SHISA9: variants seen among roughly 807,000 people sequenced by gnomAD.
SHISA9 encodes protein shisa-9.
A neutral mutation model predicts 38.0 loss-of-function variants in SHISA9; 13 were observed. The observed-to-expected ratio is 0.34, with a 90% CI of 0.22 to 0.54. The LOEUF is 0.54. Ranked by LOEUF, SHISA9 falls within the 20% of genes least tolerant of loss-of-function variation. The pLI is 0.91. For missense variants in SHISA9, 538 were observed against 575.8 expected, an observed-to-expected ratio of 0.93 and a Z score of 0.67; for synonymous variants, 275 against 242.0, an observed-to-expected ratio of 1.14 and a Z score of -1.27.
At chr16:13,479,551 A>C in the SHISA9 span, among the ~76,000 whole-genome samples, 1 of 152,154 alleles carries the variant, frequency 6.6e-6, no homozygotes, top group Non-Finnish European at 1.5e-5. Flanking sequence ...CACCTGCATC[A>C]TTTAGAACCC....
At chr16:13,195,530 T>A (rs1232521806) in intron 2 of SHISA9, among the ~76,000 whole-genome samples, 4 of 152,154 alleles carry the variant, frequency 2.6e-5, no homozygotes, top group Non-Finnish European at 5.9e-5. Context: ...AGGTAGAGCA[T>A]AACCCCTACT....
chr16:13,095,373 G>C (rs906219354), intron 2 of SHISA9, among the ~76,000 whole-genome samples: 2 of 152,230 alleles, frequency 1.3e-5, no homozygotes, highest in African/African-American at 4.8e-5. Context: ...ATTCTGCAGA[G>C]GTTGCACATC....
At chr16:12,959,159 C>A (rs911890011) in intron 2 of SHISA9, among the ~76,000 whole-genome samples, 1 of 152,184 alleles carries the variant, frequency 6.6e-6, no homozygotes, top group African/African-American at 2.4e-5. Context: ...TTGTTCAATG[C>A]TGTATTTTCT....
At chr16:13,189,628 A>T (rs555874306) in intron 2 of SHISA9, among the ~76,000 whole-genome samples, 1 of 152,272 alleles carries the variant, frequency 6.6e-6, no homozygotes, top group African/African-American at 2.4e-5. Flanking sequence ...TCTGCTTTGG[A>T]GAGAAAGGAG....
intron 2 of SHISA9, among the ~76,000 whole-genome samples, chr16:13,147,284 C>T (rs775389213): frequency 6.6e-6 from 1 of 151,998 alleles, no homozygotes; most frequent in African/African-American, 2.4e-5. Context: ...TGGGGAGCCA[C>T]TGAATAGCTG....
the SHISA9 span, among the ~76,000 whole-genome samples, chr16:13,556,435 C>T: frequency 3.3e-5 from 5 of 152,010 alleles, no homozygotes; most frequent in African/African-American, 1.2e-4. Context: ...CCGAGGCGGG[C>T]GGATCACGAG....
chr16:13,518,703 C>G, the SHISA9 span, among the ~76,000 whole-genome samples: 1 of 152,204 alleles, frequency 6.6e-6, no homozygotes, highest in Non-Finnish European at 1.5e-5. Context: ...TCCTCTTCCT[C>G]TAAAGATGTA....
At chr16:13,140,080 TCTTCTCTTCCCTTCCCTTCC>T (rs2050386177) in intron 2 of SHISA9, among the ~76,000 whole-genome samples, 1 of 124,542 alleles carries the variant, frequency 8.0e-6, no homozygotes, top group African/African-American at 3.1e-5. Context: ...TCTCCTTTCC[TCTTCTCTTCCCTTCCCTTCC>T]CTTCCCTTCC....
intron 2 of SHISA9, among the ~76,000 whole-genome samples, chr16:12,976,561 CTG>C (rs974388571): frequency 1.3e-5 from 2 of 152,200 alleles, no homozygotes; most frequent in African/African-American, 4.8e-5. Context: ...TGGAAAGACA[CTG>C]AATTCCTCTG....
chr16:13,232,844 G>A (rs577619208), intron 4 of SHISA9, among the ~76,000 whole-genome samples: 7 of 152,298 alleles, frequency 4.6e-5, no homozygotes, highest in African/African-American at 1.7e-4. Flanking sequence ...AAGTCTTATA[G>A]TGGCAGCCCT....
At chr16:13,034,190 C>G (rs1300433345) in intron 2 of SHISA9, among the ~76,000 whole-genome samples, 2 of 151,778 alleles carry the variant, frequency 1.3e-5, no homozygotes, top group African/African-American at 4.8e-5. Context: ...AGCATCTTTA[C>G]CTATCCCAAG....
At chr16:12,912,398 G>C (rs6498363) in intron 1 of SHISA9, among the ~76,000 whole-genome samples, 1 of 152,088 alleles carries the variant, frequency 6.6e-6, no homozygotes, top group Non-Finnish European at 1.5e-5. Flanking sequence ...TTCTGATTAC[G>C]TACTTTGTTA....
At chr16:13,041,801 AT>A (rs1441053431) in intron 2 of SHISA9, among the ~76,000 whole-genome samples, 11 of 152,192 alleles carry the variant, frequency 7.2e-5, no homozygotes, top group Admixed American at 6.5e-4. Context: ...ACTGCCATGG[AT>A]TCCAATTTAG....
At chr16:13,214,752 C>T (rs1290308185) in intron 4 of SHISA9, among the ~76,000 whole-genome samples, 5 of 152,048 alleles carry the variant, frequency 3.3e-5, no homozygotes, top group South Asian at 4.1e-4. Flanking sequence ...AGAGCTTGTG[C>T]GGAGAAACTC....
At chr16:13,367,704 G>A in the SHISA9 span, among the ~76,000 whole-genome samples, 10 of 115,158 alleles carry the variant, frequency 8.7e-5, no homozygotes, top group South Asian at 1.6e-3. Context: ...GCGTGCGCGC[G>A]CGCGCGCGCA....
intron 2 of SHISA9, among the ~76,000 whole-genome samples, chr16:13,181,267 TTATATATATATATATATATATATA>T (rs1156705123): frequency 4.4e-4 from 35 of 80,106 alleles, no homozygotes; most frequent in Admixed American, 5.8e-4. Flanking sequence ...AAATAAAATT[TTATATATATATATATATATATATA>T]TATATATATA....
At chr16:13,439,309 T>C in the SHISA9 span, among the ~76,000 whole-genome samples, 1 of 152,186 alleles carries the variant, frequency 6.6e-6, no homozygotes, top group Non-Finnish European at 1.5e-5. Context: ...AGGTACAGCA[T>C]GGTGGCTCTG....
At chr16:13,047,377 C>T (rs192413420) in intron 2 of SHISA9, among the ~76,000 whole-genome samples, 46 of 151,746 alleles carry the variant, frequency 3.0e-4, no homozygotes, top group African/African-American at 1.1e-3. Context: ...GGGGCAGGGG[C>T]AGGGCCTTCA....
chr16:13,301,809 G>A, the SHISA9 span, among the ~76,000 whole-genome samples: 1 of 152,080 alleles, frequency 6.6e-6, no homozygotes, highest in Non-Finnish European at 1.5e-5. Flanking sequence ...CCAAGATTTG[G>A]GCTCAAATCC....
Sources: allele counts gnomAD v4.1 joint callset (sites outside exome capture counted in the v4.1 genomes callset), GRCh38; gene constraint gnomAD v4.1.1; transcripts MANE v1.5; gene names NCBI Gene and HGNC (gene_info 2026-07-23, HGNC 2026-07-21).